ADGRD1: variants seen among roughly 807,000 people sequenced by gnomAD.
ADGRD1 encodes the protein adhesion G protein-coupled receptor D1, also known as G-protein coupled receptor 133.
A neutral mutation model predicts 113.4 loss-of-function variants in ADGRD1; 77 were observed. The ratio of observed to expected loss-of-function variants is 0.68; its 90% CI spans 0.57 to 0.82. ADGRD1 has a LOEUF of 0.82. Ranked by LOEUF, ADGRD1 falls within the 40% of genes least tolerant of loss-of-function variation. ADGRD1 has a pLI of 0.00. For missense variants in ADGRD1, 1,036 were observed against 1,139.1 expected (o/e 0.91, Z 1.30); for synonymous variants, 474 against 475.0 (o/e 1.00, Z 0.03).
At chr12:131,123,479 ACAGG>A (rs1158733292) in intron 20 of ADGRD1, among the ~76,000 whole-genome samples, 1 of 151,886 alleles carries the variant, frequency 6.6e-6, no homozygotes, top group African/African-American at 2.4e-5. Context: ...ATTGGTAGCA[ACAGG>A]CAGATTGGAA....
At chr12:131,092,270 A>C (rs1263114771) in intron 15 of ADGRD1, among the ~76,000 whole-genome samples, 1 of 152,196 alleles carries the variant, frequency 6.6e-6, no homozygotes, top group Non-Finnish European at 1.5e-5. Context: ...TGCTGAAGCC[A>C]CACACCCAAT....
intron 11 of ADGRD1, 60 bp downstream of exon 11, chr12:131,004,356 T>TC: frequency 8.3e-7 from 1 of 1,202,968 alleles, no homozygotes; most frequent in Non-Finnish European, 1.2e-6. Context: ...TTCTGAAGAG[T>TC]CCCCAAGCTT....
intron 18 of ADGRD1, among the ~76,000 whole-genome samples, chr12:131,110,929 A>C (rs1209617): frequency 0.15 from 23,127 of 152,196 alleles, 2,056 homozygotes; most frequent in Non-Finnish European, 0.2. Context: ...TGATTATGTC[A>C]TCTCACTGCC....
intron 5 of ADGRD1, among the ~76,000 whole-genome samples, chr12:130,986,290 A>C (rs1873663722): frequency 6.6e-6 from 1 of 152,250 alleles, no homozygotes; most frequent in South Asian, 2.1e-4. Flanking sequence ...AATATGGAAT[A>C]TCTCTCCATT....
chr12:131,014,318 C>A lies in ADGRD1; in HGVS notation c.1451C>A (p.Thr484Lys). 1 of 1,613,814 alleles carries A rather than the reference C, an allele frequency of 6.2e-7. No homozygotes were observed. The highest frequency in any genetic ancestry group is 8.5e-7 in the Non-Finnish European group (1 of 1,179,794). The stretch of plus-strand genomic sequence containing the variant: ...AACCTGTCGGGCTCTCCACTCATTA[C>A]GGTCCACCTCAAGCACAGATTGGTG... ...SQNLSGSPLI[T>K]VHLKHRLTRK... The change falls in exon 13 of 25, where the codon ACG becomes AAG. Residue 484 changes from threonine to lysine, a missense_variant. Transcript: ENST00000261654.
chr12:131,006,253 G>A (rs1877103071), intron 12 of ADGRD1, among the ~76,000 whole-genome samples: 1 of 152,224 alleles, frequency 6.6e-6, no homozygotes, highest in Non-Finnish European at 1.5e-5. Flanking sequence ...TGGAGTGGAG[G>A]TCAGGAGCAC....
chr12:131,034,202 C>T (rs11061290), intron 13 of ADGRD1, among the ~76,000 whole-genome samples: 67,588 of 152,092 alleles, frequency 0.44, 15,430 homozygotes, highest in South Asian at 0.53. Context: ...CCCTGCCGCA[C>T]TCTGGGCCAC....
chr12:131,058,285 G>A (rs1471266742), intron 13 of ADGRD1, among the ~76,000 whole-genome samples: 2 of 152,136 alleles, frequency 1.3e-5, no homozygotes, highest in Non-Finnish European at 2.9e-5. Flanking sequence ...GGGAAGCGTC[G>A]TGAGCGTCCT....
intron 12 of ADGRD1, among the ~76,000 whole-genome samples, chr12:131,006,671 G>T: frequency 6.6e-6 from 1 of 151,980 alleles, no homozygotes; most frequent in East Asian, 1.9e-4. Flanking sequence ...TGGGGACCAT[G>T]AGGGGGGCGG....
At chr12:130,993,539 G>A (rs1874719761) in intron 8 of ADGRD1, among the ~76,000 whole-genome samples, 2 of 151,944 alleles carry the variant, frequency 1.3e-5, no homozygotes, top group Admixed American at 1.3e-4. Context: ...ACTACATGGA[G>A]CTGCGGGACT....
In ADGRD1 at chr12:131,113,737, C is replaced by T. The variant is rs1193858008; in HGVS notation, c.2042-4648C>T. Among the ~76,000 whole-genome samples the T allele has an allele frequency of 6.6e-6, 1 of 152,198 alleles. No homozygotes were observed. The highest frequency in any genetic ancestry group is 1.5e-5 in the Non-Finnish European group (1 of 68,038). The stretch of plus-strand genomic sequence containing the variant: ...ACGTCCTCCGTCCTGCCTCACTGCT[C>T]ATGCTGTATCATCACGAGGATGCTT... On this transcript the variant is annotated intron_variant, in intron 18 of 24. Coordinates refer to ENST00000261654, the MANE Select transcript of ADGRD1 (RefSeq NM_198827.5). The surrounding 1 kb of genome is among the most constrained non-coding windows in gnomAD (Gnocchi z 4.9).
intron 15 of ADGRD1, among the ~76,000 whole-genome samples, chr12:131,088,336 A>G (rs1886642894): frequency 6.6e-6 from 1 of 152,250 alleles, no homozygotes; most frequent in Admixed American, 6.5e-5. Context: ...TGGCACGCAC[A>G]GAGACACAGC....
intron 15 of ADGRD1, among the ~76,000 whole-genome samples, chr12:131,091,196 T>C (rs146498742): frequency 6.6e-6 from 1 of 152,298 alleles, no homozygotes; most frequent in Non-Finnish European, 1.5e-5. Context: ...AAGTAGGCCA[T>C]TGGAACAGAT....
At chr12:131,010,928 C>T (rs1422449533) in intron 12 of ADGRD1, among the ~76,000 whole-genome samples, 1 of 152,184 alleles carries the variant, frequency 6.6e-6, no homozygotes, top group Non-Finnish European at 1.5e-5. Context: ...ATCCTGGCCC[C>T]ACTATCTGCT....
chr12:131,108,637 G>T, intron 17 of ADGRD1, 87 bp from the exon 18 acceptor site: 1 of 1,576,566 alleles, frequency 6.3e-7, no homozygotes, highest in Non-Finnish European at 8.7e-7. Context: ...GACCACCCAG[G>T]ACATGGATAC....
chr12:131,118,479 G>T (rs921544866), intron 19 of ADGRD1, 28 bp downstream of exon 19: 1 of 1,566,202 alleles, frequency 6.4e-7, no homozygotes, highest in African/African-American at 1.4e-5. Context: ...CCTTGCTTTT[G>T]GCAGGCGTTC....
rs1871618898 is a variant in ADGRD1, at chr12:130,971,335, T to C, written c.188-123T>C. On this transcript the variant is annotated intron_variant, in intron 3 of 24. Coordinates refer to ENST00000261654, the MANE Select transcript of ADGRD1 (RefSeq NM_198827.5). The surrounding 1 kb of genome is among the most constrained non-coding windows in gnomAD (Gnocchi z 4.2). The stretch of plus-strand genomic sequence containing the variant: ...ATAGAATAATATATGATGTTATAAA[T>C]ATATACTTAGATAAATAATAATGCA... 2 of 507,238 alleles carry C rather than the reference T, an allele frequency of 3.9e-6. No individual in the cohort carries two copies. 31.4% of individuals were successfully genotyped at this position (507,238 alleles called of 1,614,324 possible).
rs1593310853 is a variant in ADGRD1 at position 130,992,463 on chromosome 12, T to C, written c.966+71T>C. Reference sequence around the variant, plus strand: ...CTTACCGGGACCATAGATGTTTCTGTTTGACCTAGATCGAGTTTAAAAAAA... The same window carrying C: ...CTTACCGGGACCATAGATGTTTCTGCTTGACCTAGATCGAGTTTAAAAAAA... On this transcript the variant is annotated intron_variant, in intron 8 of 24. Transcript: ENST00000261654. 1.9e-5 allele frequency: 25 copies of C among 1,321,372 alleles called. No homozygotes were observed. In the East Asian group the frequency reaches 2.5e-4, roughly 13 times the overall value. 81.9% of individuals were successfully genotyped at this position (1,321,372 alleles called of 1,614,324 possible).
chr12:131,135,916 G>C, intron 21 of ADGRD1, 121 bp from the exon 22 acceptor site: 1 of 1,030,960 alleles, frequency 9.7e-7, no homozygotes, highest in Non-Finnish European at 1.4e-6. Flanking sequence ...GAGGACCCCA[G>C]GTCTTGCTCC....
Sources: gnomAD v4.1 joint callset for allele counts (sites outside exome capture counted in the v4.1 genomes callset) on GRCh38, gnomAD v4.1.1 for gene constraint, Gnocchi (gnomAD v3.1) non-coding constraint, MANE v1.5 for transcripts, NCBI Gene and HGNC (gene_info 2026-07-23, HGNC 2026-07-21) for gene names.